Variants in SHROOM3 observed in about 807,000 individuals in gnomAD.
The protein encoded by SHROOM3 is shroom family member 3.
A neutral mutation model predicts 138.6 loss-of-function variants in SHROOM3; 47 were observed. The observed-to-expected ratio is 0.34, with a 90% CI of 0.27 to 0.43. The LOEUF is 0.43. Among genes scored for constraint, SHROOM3 ranks in the 20% least tolerant of loss-of-function variants. The pLI, the probability that SHROOM3 is intolerant of heterozygous loss-of-function variation, is 1.00. For synonymous variants in SHROOM3, 1,062 were observed against 1,063.3 expected (o/e 1.00, Z 0.02); for missense variants, 2,491 against 2,596.5 (o/e 0.96, Z 0.88).
Position 76,740,216 on chromosome 4 carries a change from C to A in SHROOM3, c.2043C>A (p.Gly681=). The A allele has an allele frequency of 6.2e-7, 1 of 1,613,550 alleles. No individual in the cohort carries two copies. Among genetic ancestry groups the A allele is most frequent in the East Asian group, 2.2e-5 (1 of 44,870 alleles). The change falls in exon 5 of 11, where the codon GGC becomes GGA. Residue 681 remains glycine (G), a synonymous_variant. Coordinates refer to ENST00000296043, the MANE Select transcript of SHROOM3 (RefSeq NM_020859.4). This position sits in a 1 kb window ranked among gnomAD's most constrained non-coding sequence, Gnocchi z 4.0. ...SLRRHSSLEL[G]RGTQEGYPGG... is the part of the protein sequence containing the mutation. The stretch of plus-strand genomic sequence containing the variant: ...GAAGACACAGCAGCCTGGAGCTAGG[C>A]CGGGGAACCCAGGAGGGTTACCCCG...
intron 2 of SHROOM3, among the ~76,000 whole-genome samples, chr4:76,565,159 T>TA (rs370033081): frequency 0.073 from 5,520 of 75,486 alleles, 530 homozygotes; most frequent in African/African-American, 0.24. Context: ...AGACTCCATT[T>TA]CAAAAAAAAA....
chr4:76,728,238 G>A (rs534445546), intron 3 of SHROOM3, among the ~76,000 whole-genome samples: 12 of 152,288 alleles, frequency 7.9e-5, no homozygotes, highest in African/African-American at 2.9e-4. Flanking sequence ...GTTTGGCTGT[G>A]TCCCCAACAA....
chr4:76,665,417 A>AT (rs1718664469), intron 2 of SHROOM3, among the ~76,000 whole-genome samples: 1 of 152,214 alleles, frequency 6.6e-6, no homozygotes, highest in South Asian at 2.1e-4. Flanking sequence ...AAGCTGTGGC[A>AT]TTCCAAGAGT....
At chr4:76,460,271 T>G (rs1479068781) in intron 1 of SHROOM3, among the ~76,000 whole-genome samples, 4 of 152,190 alleles carry the variant, frequency 2.6e-5, no homozygotes, top group Non-Finnish European at 5.9e-5. Context: ...ATTGGCTACA[T>G]CAACAGGCAT....
intron 1 of SHROOM3, among the ~76,000 whole-genome samples, chr4:76,506,425 G>T (rs1440387983): frequency 6.6e-6 from 1 of 152,124 alleles, no homozygotes; most frequent in Non-Finnish European, 1.5e-5. Context: ...ATGTGTGTGT[G>T]TCATATGCAA....
chr4:76,529,660 C>T (rs1299302965), intron 1 of SHROOM3, among the ~76,000 whole-genome samples: 1 of 152,116 alleles, frequency 6.6e-6, no homozygotes, highest in Non-Finnish European at 1.5e-5. Flanking sequence ...GGCATAGGCC[C>T]TCCTGCTCCA....
intron 3 of SHROOM3, among the ~76,000 whole-genome samples, chr4:76,723,083 A>T (rs1251594735): frequency 1.3e-5 from 2 of 152,108 alleles, no homozygotes; most frequent in African/African-American, 4.8e-5. Flanking sequence ...TCAACAAAAA[A>T]ATTAGTTCTT....
intron 2 of SHROOM3, among the ~76,000 whole-genome samples, chr4:76,629,174 G>T (rs552819595): frequency 1.3e-5 from 2 of 152,242 alleles, no homozygotes; most frequent in African/African-American, 2.4e-5. Context: ...GGAAGTGAGG[G>T]TAAGCCTCAA....
chr4:76,756,963 G>A, intron 8 of SHROOM3, 26 bp downstream of exon 8: 1 of 1,613,456 alleles, frequency 6.2e-7, no homozygotes, highest in Non-Finnish European at 8.5e-7. Context: ...TGTCCTCAGA[G>A]AGACTTACAA....
chr4:76,534,053 G>T (rs945011327), intron 1 of SHROOM3, among the ~76,000 whole-genome samples: 1 of 152,156 alleles, frequency 6.6e-6, no homozygotes, highest in Admixed American at 6.5e-5. Flanking sequence ...GAAATTCAGA[G>T]ACTCGGGGGT....
chr4:76,686,934 G>T (rs1179809306), intron 2 of SHROOM3, among the ~76,000 whole-genome samples: 1 of 152,164 alleles, frequency 6.6e-6, no homozygotes. Context: ...TCAGTCTGGT[G>T]TACCTCTGTG....
chr4:76,645,837 C>T (rs1439091779), intron 2 of SHROOM3, among the ~76,000 whole-genome samples: 3 of 152,106 alleles, frequency 2.0e-5, no homozygotes, highest in Non-Finnish European at 4.4e-5. Flanking sequence ...AAATCCAAAA[C>T]ACTTCTTCTT....
chr4:76,673,850 T>G (rs927851012), intron 2 of SHROOM3, among the ~76,000 whole-genome samples: 1 of 152,170 alleles, frequency 6.6e-6, no homozygotes, highest in Non-Finnish European at 1.5e-5. Context: ...GTCCCCACTT[T>G]ACTGTTGTGT....
chr4:76,502,537 G>A (rs1483904919), intron 1 of SHROOM3, among the ~76,000 whole-genome samples: 2 of 152,174 alleles, frequency 1.3e-5, no homozygotes, highest in Admixed American at 6.5e-5. Context: ...AGGATACTTA[G>A]CTCGTGTCCA....
rs552584890 is a variant in SHROOM3, at chr4:76,781,819, C to G, written c.*2642C>G. 1 of 152,308 alleles carries G rather than the reference C, an allele frequency of 6.6e-6. No individual in the cohort carries two copies. Among genetic ancestry groups the G allele is most frequent in the African/African-American group, 2.4e-5 (1 of 41,574 alleles). The allele number at this position is 152,308 out of a possible 1,614,324, so 9.4% of individuals were successfully genotyped here. The stretch of plus-strand genomic sequence containing the variant: ...CCATTCTTCTTTCTCCCAACAGTAT[C>G]CTTTGCCAAGACCATGAGAACAGTA... On this transcript the variant is annotated 3_prime_UTR_variant, in exon 11 of 11. Coordinates refer to ENST00000296043, the MANE Select transcript of SHROOM3 (RefSeq NM_020859.4).
At chr4:76,591,193 G>T (rs976998375) in intron 2 of SHROOM3, among the ~76,000 whole-genome samples, 5 of 152,168 alleles carry the variant, frequency 3.3e-5, no homozygotes, top group African/African-American at 9.7e-5. Flanking sequence ...ATTCTGTTCC[G>T]CATTGTACCC....
chr4:76,736,803 G>T (rs1721085384), intron 4 of SHROOM3, among the ~76,000 whole-genome samples: 1 of 99,632 alleles, frequency 1.0e-5, no homozygotes, highest in Non-Finnish European at 2.4e-5. Flanking sequence ...TAGTGAAATT[G>T]AACAAAGTCC....
intron 1 of SHROOM3, among the ~76,000 whole-genome samples, chr4:76,494,791 C>A (rs898521148): frequency 6.6e-6 from 1 of 152,118 alleles, no homozygotes; most frequent in African/African-American, 2.4e-5. Context: ...TGTGTTGTAG[C>A]CTTTGATGTC....
intron 2 of SHROOM3, among the ~76,000 whole-genome samples, chr4:76,614,629 CT>C (rs1734834839): frequency 6.6e-6 from 1 of 152,132 alleles, no homozygotes; most frequent in Non-Finnish European, 1.5e-5. Flanking sequence ...TCCTAATGCT[CT>C]CCCTCCCTTT....
Sources: allele counts gnomAD v4.1 joint callset (sites outside exome capture counted in the v4.1 genomes callset), GRCh38; gene constraint gnomAD v4.1.1; non-coding constraint Gnocchi (gnomAD v3.1); transcripts MANE v1.5; gene names NCBI Gene and HGNC (gene_info 2026-07-23, HGNC 2026-07-21).